The following EGFR variants were observed in gnomAD, a reference collection of about 807,000 sequenced individuals.
EGFR encodes epidermal growth factor receptor, also known as avian erythroblastic leukemia viral (v-erb-b) oncogene homolog.
In EGFR, 58 loss-of-function variants were observed where a neutral mutation model predicts 143.0. The ratio of observed to expected loss-of-function variants is 0.41; its 90% confidence interval spans 0.33 to 0.50. EGFR has a LOEUF of 0.50. Ranked by LOEUF, EGFR falls within the 20% of genes least tolerant of loss-of-function variation. The pLI, the probability that EGFR is intolerant of heterozygous loss-of-function variation, is 0.39. For synonymous variants in EGFR, 613 were observed against 594.4 expected, an observed-to-expected ratio of 1.03 and a Z score of -0.45; for missense variants, 1,307 against 1,579.0, an observed-to-expected ratio of 0.83 and a Z score of 2.92.
At chr7:55,024,818 T>C (rs1401328940) in intron 1 of EGFR, among the ~76,000 whole-genome samples, 2 of 152,156 alleles carry the variant, frequency 1.3e-5, no homozygotes, top group South Asian at 2.1e-4. Flanking sequence ...GAGCTAGAGA[T>C]AATAAGTGTG....
At chr7:55,047,702 G>A (rs1381998640) in intron 1 of EGFR, among the ~76,000 whole-genome samples, 2 of 152,198 alleles carry the variant, frequency 1.3e-5, no homozygotes, top group Non-Finnish European at 2.9e-5. Flanking sequence ...AGTGAGCTGA[G>A]ATCGCATCAT....
chr7:55,049,107 G>A (rs956820995), intron 1 of EGFR, among the ~76,000 whole-genome samples: 9 of 152,252 alleles, frequency 5.9e-5, no homozygotes, highest in Admixed American at 6.5e-5. Flanking sequence ...GAAGGACTTC[G>A]ATTTTGCTGA....
At chr7:55,132,979 A>G (rs1486206624) in intron 1 of EGFR, among the ~76,000 whole-genome samples, 1 of 152,194 alleles carries the variant, frequency 6.6e-6, no homozygotes, top group African/African-American at 2.4e-5. Flanking sequence ...CTTCTCAGCC[A>G]TGCTTGGTAT....
At chr7:55,085,276 G>T (rs79290691) in intron 1 of EGFR, among the ~76,000 whole-genome samples, 1,867 of 152,308 alleles carry the variant, frequency 0.012, 19 homozygotes, top group Middle Eastern at 0.034. Flanking sequence ...GTTGACATTG[G>T]GTTGCCCCTT....
rs1449958291 is a variant in EGFR at position 55,165,457 on chromosome 7, G to A, written c.1880+20G>A. ...CTACGGGTGAGTGGAAAGTGAAGGA[G>A]AACAGAACATTTCCTCTCTTGCAAA... On this transcript the variant is annotated intron_variant, in intron 15 of 27. Coordinates refer to ENST00000275493, the MANE Select transcript of EGFR (RefSeq NM_005228.5). The A allele has an allele frequency of 6.3e-7, 1 of 1,591,776 alleles. No homozygotes were observed. The highest frequency in any genetic ancestry group is 2.2e-5 in the East Asian group (1 of 44,480).
chr7:55,038,272 A>C (rs1787712754), intron 1 of EGFR, among the ~76,000 whole-genome samples: 1 of 152,192 alleles, frequency 6.6e-6, no homozygotes. Flanking sequence ...AAGGCTGCTA[A>C]CTTGATTCTG....
intron 22 of EGFR, among the ~76,000 whole-genome samples, chr7:55,194,595 G>A (rs2128966514): frequency 6.6e-6 from 1 of 152,186 alleles, no homozygotes; most frequent in Middle Eastern, 3.4e-3. Flanking sequence ...ATGACTGATG[G>A]GTTGCTGGGC....
intron 1 of EGFR, among the ~76,000 whole-genome samples, chr7:55,019,595 C>T (rs1418382890): frequency 6.6e-6 from 1 of 152,074 alleles, no homozygotes; most frequent in African/African-American, 2.4e-5. Flanking sequence ...CGTGGGACAC[C>T]GGGCTGCAGG....
At chr7:55,057,888 T>C (rs1788923834) in intron 1 of EGFR, among the ~76,000 whole-genome samples, 1 of 152,230 alleles carries the variant, frequency 6.6e-6, no homozygotes, top group Admixed American at 6.5e-5. Context: ...ACTGAAGCAC[T>C]AAGTTCATCT....
intron 1 of EGFR, among the ~76,000 whole-genome samples, chr7:55,036,515 A>T (rs1230335158): frequency 6.6e-6 from 1 of 152,164 alleles, no homozygotes; most frequent in Non-Finnish European, 1.5e-5. Flanking sequence ...CCATTATATA[A>T]ATCTTAAAAA....
At chr7:55,189,780 A>T (rs1787306373) in intron 20 of EGFR, among the ~76,000 whole-genome samples, 2 of 152,232 alleles carry the variant, frequency 1.3e-5, no homozygotes, top group Admixed American at 6.5e-5. Context: ...ACAGGGTAGA[A>T]AGAAAGGAGA....
intron 1 of EGFR, among the ~76,000 whole-genome samples, chr7:55,026,580 A>C (rs1429711389): frequency 6.6e-6 from 1 of 152,234 alleles, no homozygotes; most frequent in Non-Finnish European, 1.5e-5. Flanking sequence ...TCGACCAGAG[A>C]CATGCTAGTC....
intron 1 of EGFR, among the ~76,000 whole-genome samples, chr7:55,036,745 A>G (rs1787606759): frequency 1.3e-5 from 2 of 152,254 alleles, no homozygotes; most frequent in African/African-American, 4.8e-5. Context: ...TCTTAATTAC[A>G]AATTATATAA....
intron 1 of EGFR, among the ~76,000 whole-genome samples, chr7:55,113,062 C>T (rs1158494547): frequency 6.6e-6 from 1 of 152,166 alleles, no homozygotes; most frequent in African/African-American, 2.4e-5. Flanking sequence ...ATGTCTGTAC[C>T]AGACGCTGGA....
intron 5 of EGFR, chr7:55,152,236 C>T: frequency 1.9e-6 from 1 of 525,166 alleles, no homozygotes; most frequent in Admixed American, 2.3e-5. Flanking sequence ...CCCTTCTAAA[C>T]ACTACTTCCC....
In EGFR at chr7:55,181,283, C is replaced by T. The variant is rs1021347147; in HGVS notation, c.2284-10C>T. The T allele has an allele frequency of 6.2e-7, 1 of 1,614,064 alleles. No individual in the cohort carries two copies. ...CGAAGCCACACTGACGTGCCTCTCC[C>T]TCCCTCCAGGAAGCCTACGTGATGG... On this transcript the variant is annotated splice_polypyrimidine_tract_variant and intron_variant, in intron 19 of 27. Transcript: ENST00000275493.
chr7:55,051,622 A>G (rs1314080993), intron 1 of EGFR, among the ~76,000 whole-genome samples: 1 of 152,226 alleles, frequency 6.6e-6, no homozygotes, highest in Admixed American at 6.5e-5. Flanking sequence ...AGTCTGTGGT[A>G]TTCTGTTATA....
At chr7:55,177,370 C>T (rs1433692324) in intron 19 of EGFR, among the ~76,000 whole-genome samples, 5 of 152,132 alleles carry the variant, frequency 3.3e-5, no homozygotes, top group Non-Finnish European at 7.3e-5. Flanking sequence ...GCTCATGGGG[C>T]CATGTGTGCT....
At chr7:55,051,383 C>T (rs939033990) in intron 1 of EGFR, among the ~76,000 whole-genome samples, 5 of 152,066 alleles carry the variant, frequency 3.3e-5, no homozygotes, top group African/African-American at 1.2e-4. Context: ...TCATGGATGG[C>T]TTAACATGTT....
Sources: gnomAD v4.1 joint callset for allele counts (sites outside exome capture counted in the v4.1 genomes callset) on GRCh38, gnomAD v4.1.1 for gene constraint, MANE v1.5 for transcripts, NCBI Gene and HGNC (gene_info 2026-07-23, HGNC 2026-07-21) for gene names.